Variants in CCDC7 observed in about 807,000 individuals in gnomAD.
CCDC7 encodes coiled-coil domain containing 7.
A neutral mutation model predicts 196.9 loss-of-function variants in CCDC7; 183 were observed. The ratio of observed to expected loss-of-function variants is 0.93; its 90% CI spans 0.82 to 1.05. CCDC7 has a LOEUF of 1.05. CCDC7 is among the 50% of genes least tolerant of loss of function. The pLI is 0.00. For synonymous variants in CCDC7, 525 were observed against 484.6 expected (o/e 1.08, Z -1.10); for missense variants, 1,540 against 1,482.2 (o/e 1.04, Z -0.64).
intron 28 of CCDC7, among the ~76,000 whole-genome samples, chr10:32,766,534 C>T (rs1333903140): frequency 6.6e-6 from 1 of 152,050 alleles, no homozygotes; most frequent in Non-Finnish European, 1.5e-5. Flanking sequence ...ACAGTGCAGG[C>T]CCCTTGGAGC....
downstream of CCDC7, among the ~76,000 whole-genome samples, chr10:32,880,802 C>T (rs918424024): frequency 6.6e-6 from 1 of 152,138 alleles, no homozygotes; most frequent in Non-Finnish European, 1.5e-5. Flanking sequence ...CATCCTTTCC[C>T]TATTGCTTGT....
upstream of CCDC7, chr10:32,446,660 G>A (rs1332165887): frequency 2.0e-5 from 3 of 152,218 alleles, no homozygotes; most frequent in African/African-American, 7.2e-5. Context: ...GATGAAACCA[G>A]AAAACATTTG....
chr10:32,580,589 C>T (rs934823058), intron 16 of CCDC7, among the ~76,000 whole-genome samples: 38 of 152,012 alleles, frequency 2.5e-4, no homozygotes, highest in Middle Eastern at 3.4e-3. Flanking sequence ...TTACAAACTT[C>T]GGGTCCTAGA....
At chr10:32,626,800 T>G (rs1320274309) in intron 18 of CCDC7, among the ~76,000 whole-genome samples, 4 of 152,004 alleles carry the variant, frequency 2.6e-5, no homozygotes, top group Non-Finnish European at 5.9e-5. Context: ...CACTATTCAT[T>G]GAAGACTATC....
At chr10:32,530,569 T>A (rs1485250292) in intron 11 of CCDC7, among the ~76,000 whole-genome samples, 3 of 152,146 alleles carry the variant, frequency 2.0e-5, no homozygotes, top group Non-Finnish European at 1.5e-5. Context: ...TTAAGTGAAA[T>A]GGTATATAAT....
At position 32,732,116 on chromosome 10, in the gene CCDC7, G is replaced by C. The variant is rs188905119; in HGVS notation, c.2905+2659G>C. 3.8e-4 allele frequency among the ~76,000 whole-genome samples: 58 copies of C among 152,206 alleles called. No homozygotes were observed. In the East Asian group the frequency reaches 9.8e-3, roughly 26 times the overall value. ...CCTTTCTATATATTAATAATTCAGA[G>C]ACTTCACAGTAAAGTTTTTTTCACT... On this transcript the variant is annotated intron_variant, in intron 28 of 41. Transcript: ENST00000639629.
intron 28 of CCDC7, among the ~76,000 whole-genome samples, chr10:32,752,911 G>A (rs1176719226): frequency 6.6e-6 from 1 of 152,018 alleles, no homozygotes; most frequent in South Asian, 2.1e-4. Flanking sequence ...AAAGGAGAGG[G>A]ATGACAACTT....
chr10:32,547,972 T>A (rs1431379023), intron 13 of CCDC7, among the ~76,000 whole-genome samples: 1 of 152,112 alleles, frequency 6.6e-6, no homozygotes, highest in Non-Finnish European at 1.5e-5. Flanking sequence ...GTCCCCAAAG[T>A]CTATTGTATC....
chr10:32,767,607 T>G (rs1441078789), intron 28 of CCDC7, among the ~76,000 whole-genome samples: 1 of 151,848 alleles, frequency 6.6e-6, no homozygotes, highest in Non-Finnish European at 1.5e-5. Context: ...AAGAGAGCAC[T>G]TTCATGGAAC....
chr10:32,563,407 A>C (rs908700992), intron 13 of CCDC7, among the ~76,000 whole-genome samples: 29 of 152,226 alleles, frequency 1.9e-4, no homozygotes, highest in African/African-American at 7.0e-4. Flanking sequence ...CTATACTACA[A>C]GGCTACAGTA....
intron 11 of CCDC7, among the ~76,000 whole-genome samples, chr10:32,529,013 A>AT (rs1462416748): frequency 6.6e-6 from 1 of 151,390 alleles, no homozygotes; most frequent in Non-Finnish European, 1.5e-5. Flanking sequence ...TTTTTATTTT[A>AT]TTTTATTTTA....
At chr10:32,462,795 G>C in intron 4 of CCDC7, 92 bp downstream of exon 5, 1 of 1,314,868 alleles carries the variant, frequency 7.6e-7, no homozygotes. Context: ...TAAGGGAGTA[G>C]AAGGAATTCC....
intron 8 of CCDC7, chr10:32,481,707 C>G (rs1045492561): frequency 6.6e-6 from 1 of 152,132 alleles, no homozygotes; most frequent in Non-Finnish European, 1.5e-5. Flanking sequence ...GTAAGGCAAG[C>G]CTGATGATGA....
intron 20 of CCDC7, among the ~76,000 whole-genome samples, chr10:32,662,984 T>G (rs2071826652): frequency 6.6e-6 from 1 of 150,820 alleles, no homozygotes; most frequent in Admixed American, 6.8e-5. Flanking sequence ...CTCACCACAG[T>G]TGGACCAAAT....
At chr10:32,487,902 G>C (rs1294517960) in intron 8 of CCDC7, among the ~76,000 whole-genome samples, 1 of 152,196 alleles carries the variant, frequency 6.6e-6, no homozygotes, top group African/African-American at 2.4e-5. Flanking sequence ...CTTTCTGGGG[G>C]GTGCCTCCCA....
chr10:32,511,254 T>TGTGTG, intron 9 of CCDC7: 1 of 593,948 alleles, frequency 1.7e-6, no homozygotes, highest in South Asian at 1.9e-5. Context: ...AATTATTCTG[T>TGTGTG]GGGGGGCGGG....
chr10:32,731,027 C>G (rs2083880079), intron 28 of CCDC7, among the ~76,000 whole-genome samples: 1 of 151,932 alleles, frequency 6.6e-6, no homozygotes, highest in African/African-American at 2.4e-5. Flanking sequence ...ATTATTCTAT[C>G]AATTATTGAG....
At chr10:32,748,606 GAA>G (rs201230281) in intron 28 of CCDC7, among the ~76,000 whole-genome samples, 2 of 151,926 alleles carry the variant, frequency 1.3e-5, no homozygotes, top group Non-Finnish European at 2.9e-5. Flanking sequence ...AAGTATGAGG[GAA>G]AAAAAGTCTT....
chr10:32,664,247 A>G (rs1168253736), intron 21 of CCDC7, 86 bp downstream of exon 22: 4 of 377,624 alleles, frequency 1.1e-5, no homozygotes, highest in Non-Finnish European at 1.9e-5. Flanking sequence ...TTCATCATGT[A>G]CTACATAGTG....
Sources: gnomAD v4.1 joint callset for allele counts (sites outside exome capture counted in the v4.1 genomes callset) on GRCh38, gnomAD v4.1.1 for gene constraint, MANE v1.5 for transcripts, NCBI Gene and HGNC (gene_info 2026-07-23, HGNC 2026-07-21) for gene names.